UGT1A9: variants seen among roughly 807,000 people sequenced by gnomAD.
UGT1A9 encodes the protein UDP glucuronosyltransferase family 1 member A9.
In UGT1A9, 35 loss-of-function variants were observed where a neutral mutation model predicts 45.0. The ratio of observed to expected loss-of-function variants is 0.78; its 90% confidence interval spans 0.59 to 1.03. The LOEUF (loss-of-function observed/expected upper bound fraction) is 1.03, where lower values mean the gene tolerates loss of function less well. UGT1A9 is among the 50% of genes least tolerant of loss of function. UGT1A9 has a pLI of 0.00. For synonymous variants in UGT1A9, 278 were observed against 250.6 expected, an observed-to-expected ratio of 1.11 and a Z score of -1.03; for missense variants, 687 against 666.6, an observed-to-expected ratio of 1.03 and a Z score of -0.34.
chr2:233,687,852 A>G (rs1207002095), intron 1 of UGT1A9, among the ~76,000 whole-genome samples: 3 of 152,162 alleles, frequency 2.0e-5, no homozygotes, highest in Non-Finnish European at 4.4e-5. Context: ...AGGCTGCAGT[A>G]AGCCATGACT....
chr2:233,713,513 G>T (rs1275853145), intron 1 of UGT1A9: 1 of 1,613,912 alleles, frequency 6.2e-7, no homozygotes, highest in East Asian at 2.2e-5. Context: ...TTTTCTTGAG[G>T]AACATTCCAT....
intron 1 of UGT1A9, among the ~76,000 whole-genome samples, chr2:233,725,216 A>C (rs1559370373): frequency 4.4e-5 from 2 of 45,274 alleles, no homozygotes; most frequent in African/African-American, 2.5e-4. Flanking sequence ...AGGCAGAGGC[A>C]GAGGAGGCAG....
At chr2:233,693,009 C>T in intron 1 of UGT1A9, 2 of 1,614,130 alleles carry the variant, frequency 1.2e-6, no homozygotes, top group Non-Finnish European at 1.7e-6. Flanking sequence ...TCCAGGATGG[C>T]CTGCCTCCTT....
rs192915169 is a variant in UGT1A9, at chr2:233,741,002, A to C, written c.856-26032A>C. ...CTGGGAATGCTGAGGAGGAAGGATC[A>C]CTTGAGCCCAGGAATTCGTGGTTAC... is the stretch of plus-strand genomic sequence containing the variant. On this transcript the variant is annotated intron_variant, in intron 1 of 4. Transcript: ENST00000354728. The C allele has an allele frequency of 3.0e-4, 45 of 151,886 alleles. 2 individuals are homozygous for C. The highest frequency in any genetic ancestry group is 1.0e-3 in the African/African-American group (41 of 41,190). 9.4% of individuals were successfully genotyped at this position (151,886 alleles called of 1,614,324 possible). A position where few individuals can be genotyped will look rare whatever the true frequency, so the allele number is the denominator to read the frequency against.
chr2:233,762,228 C>T (rs1312160230), intron 1 of UGT1A9, among the ~76,000 whole-genome samples: 1 of 152,108 alleles, frequency 6.6e-6, no homozygotes, highest in Admixed American at 6.5e-5. Flanking sequence ...AATCTCAGCA[C>T]CTAAGGCACA....
chr2:233,682,708 T>C (rs766002261), intron 1 of UGT1A9: 15 of 1,613,796 alleles, frequency 9.3e-6, no homozygotes, highest in Admixed American at 8.3e-5. Context: ...GAACTGACTT[T>C]GTTTTGGAGT....
chr2:233,729,547 C>A (rs529213131), intron 1 of UGT1A9: 1 of 1,614,168 alleles, frequency 6.2e-7, no homozygotes, highest in South Asian at 1.1e-5. Flanking sequence ...GATCAGGCAC[C>A]TGAATGCTAC....
chr2:233,704,568 T>C (rs765343454), intron 1 of UGT1A9, among the ~76,000 whole-genome samples: 2 of 152,150 alleles, frequency 1.3e-5, no homozygotes, highest in Non-Finnish European at 2.9e-5. Flanking sequence ...TAAATACACA[T>C]GCTTTCAAGA....
intron 1 of UGT1A9, among the ~76,000 whole-genome samples, chr2:233,724,404 G>C (rs1202271642): frequency 1.4e-5 from 2 of 140,508 alleles, no homozygotes; most frequent in African/African-American, 2.7e-5. Flanking sequence ...CTTCCCAGAT[G>C]GGGTGGCTGC....
At chr2:233,684,894 G>A (rs2074708739) in intron 1 of UGT1A9, among the ~76,000 whole-genome samples, 2 of 152,122 alleles carry the variant, frequency 1.3e-5, no homozygotes, top group South Asian at 2.1e-4. Flanking sequence ...TCTTGGAAAA[G>A]TATACAGTTT....
At chr2:233,714,637 G>A (rs144014663) in intron 1 of UGT1A9, among the ~76,000 whole-genome samples, 2 of 152,328 alleles carry the variant, frequency 1.3e-5, no homozygotes, top group East Asian at 3.9e-4. Context: ...TAAAATTAAT[G>A]TGAATAATGC....
Position 233,767,923 on chromosome 2 carries a change from A to G in UGT1A9, c.1062A>G (p.Gln354=), listed in dbSNP as rs553243445. ...NNTILVKWLP[Q]NDLLGHPMTR... ...CGATACTTGTTAAGTGGCTACCCCA[A>G]AACGATCTGCTTGGTATGTTGGGCG... Residue 354 remains glutamine (Q), a synonymous_variant, in exon 3 of 5, where the codon CAA becomes CAG. Transcript: ENST00000354728. The G allele has an allele frequency of 2.8e-5, 45 of 1,614,102 alleles. No individual in the cohort carries two copies. The highest frequency in any genetic ancestry group is 1.6e-4 in the Middle Eastern group (1 of 6,084).
At chr2:233,751,514 C>T (rs1694746384) in intron 1 of UGT1A9, among the ~76,000 whole-genome samples, 1 of 152,154 alleles carries the variant, frequency 6.6e-6, no homozygotes, top group Non-Finnish European at 1.5e-5. Context: ...GGCCAGAGGG[C>T]AGAATGATAT....
At chr2:233,766,435 T>C (rs913964749) in intron 1 of UGT1A9, among the ~76,000 whole-genome samples, 5 of 152,184 alleles carry the variant, frequency 3.3e-5, no homozygotes, top group African/African-American at 1.2e-4. Flanking sequence ...TCCAGCTACC[T>C]GTGTGTCTGC....
chr2:233,699,619 T>C (rs1164168014), intron 1 of UGT1A9, among the ~76,000 whole-genome samples: 1 of 152,202 alleles, frequency 6.6e-6, no homozygotes, highest in African/African-American at 2.4e-5. Flanking sequence ...AGGAATAGAA[T>C]GCAAGCTCAG....
chr2:233,749,225 A>AT, intron 1 of UGT1A9, among the ~76,000 whole-genome samples: 1 of 151,926 alleles, frequency 6.6e-6, no homozygotes, highest in Non-Finnish European at 1.5e-5. Flanking sequence ...TCTAAGCTTC[A>AT]TTTTTTAAAA....
intron 1 of UGT1A9, among the ~76,000 whole-genome samples, chr2:233,697,011 C>A (rs1017901649): frequency 6.6e-6 from 1 of 151,922 alleles, no homozygotes; most frequent in African/African-American, 2.4e-5. Flanking sequence ...CATCTATGTT[C>A]GTCAGAGATA....
Position 233,672,197 on chromosome 2 carries a change from G to C in UGT1A9, c.263G>C (p.Arg88Pro), listed in dbSNP as rs148603525. 23 of 1,614,132 alleles carry C rather than the reference G, an allele frequency of 1.4e-5. No homozygotes were observed. Among genetic ancestry groups the C allele is most frequent in the South Asian group, 7.7e-5 (7 of 91,070 alleles). ...STSYTLEDLD[R>P]EFKAFAHAQW... Reference sequence around the variant, plus strand: ...TCATATACCCTGGAGGATCTGGACCGGGAGTTCAAGGCTTTTGCCCATGCT... The same window carrying C: ...TCATATACCCTGGAGGATCTGGACCCGGAGTTCAAGGCTTTTGCCCATGCT... The change falls in exon 1 of 5, where the codon CGG (arginine) becomes CCG (proline). Residue 88 changes from arginine (R) to proline (P), a missense_variant. By Grantham distance (103) the Arg-to-Pro change is moderately radical. Transcript: ENST00000354728.
chr2:233,749,360 T>C (rs1258225347), intron 1 of UGT1A9, among the ~76,000 whole-genome samples: 1 of 151,902 alleles, frequency 6.6e-6, no homozygotes, highest in South Asian at 2.1e-4. Flanking sequence ...AAATAGTGAC[T>C]CTTGCCCTTT....
Sources: allele counts gnomAD v4.1 joint callset (sites outside exome capture counted in the v4.1 genomes callset), GRCh38; gene constraint gnomAD v4.1.1; transcripts MANE v1.5; gene names NCBI Gene and HGNC (gene_info 2026-07-23, HGNC 2026-07-21).